The following HGSNAT variants were observed in gnomAD, a reference collection of about 807,000 sequenced individuals.
HGSNAT encodes heparan-alpha-glucosaminide N-acetyltransferase.
In HGSNAT, 59 loss-of-function variants were observed where a neutral mutation model predicts 85.2. That is an observed-to-expected ratio of 0.69 (90% CI 0.56 to 0.86). The LOEUF (loss-of-function observed/expected upper bound fraction) is 0.86, where lower values mean the gene tolerates loss of function less well. HGSNAT is among the 40% of genes least tolerant of loss of function. The pLI is 0.00. For missense variants in HGSNAT, 756 were observed against 777.1 expected, an observed-to-expected ratio of 0.97 and a Z score of 0.32; for synonymous variants, 321 against 304.5, an observed-to-expected ratio of 1.05 and a Z score of -0.56.
intron 5 of HGSNAT, among the ~76,000 whole-genome samples, chr8:43,163,351 C>G (rs1460283373): frequency 6.6e-6 from 1 of 152,092 alleles, no homozygotes; most frequent in Non-Finnish European, 1.5e-5. Context: ...TCCTTGCCCC[C>G]TCGCTTTCCA....
intron 10 of HGSNAT, chr8:43,181,875 A>C: frequency 2.1e-6 from 1 of 469,930 alleles, no homozygotes. Flanking sequence ...TTTGGTTCTT[A>C]TCCCAGTCTC....
intron 2 of HGSNAT, among the ~76,000 whole-genome samples, chr8:43,149,343 C>G (rs1430274293): frequency 6.6e-6 from 1 of 151,996 alleles, no homozygotes; most frequent in East Asian, 1.9e-4. Context: ...ACTCTTTTAA[C>G]TAGAGACTGA....
At chr8:43,147,605 T>C (rs917159069) in intron 2 of HGSNAT, among the ~76,000 whole-genome samples, 1 of 152,212 alleles carries the variant, frequency 6.6e-6, no homozygotes, top group African/African-American at 2.4e-5. Flanking sequence ...TGCAGCAACA[T>C]GGATGCAGTT....
intron 14 of HGSNAT, chr8:43,196,412 C>G: frequency 7.8e-7 from 1 of 1,274,316 alleles, no homozygotes; most frequent in Non-Finnish European, 1.0e-6. Flanking sequence ...TCCACCCTGT[C>G]CCGGTCCCTC....
At chr8:43,173,972 T>C in intron 9 of HGSNAT, 1 of 353,098 alleles carries the variant, frequency 2.8e-6, no homozygotes, top group Non-Finnish European at 5.2e-6. Context: ...TCCTAGCACT[T>C]TGGGAGGCTG....
intron 9 of HGSNAT, among the ~76,000 whole-genome samples, chr8:43,174,654 T>C (rs1235987847): frequency 6.6e-6 from 1 of 152,242 alleles, no homozygotes; most frequent in Non-Finnish European, 1.5e-5. Context: ...GTACATAGTT[T>C]ATATAGTATG....
At chr8:43,172,285 G>T in intron 7 of HGSNAT, 25 bp from the exon 8 acceptor site, 4 of 1,554,174 alleles carry the variant, frequency 2.6e-6, no homozygotes, top group Non-Finnish European at 3.6e-6. Flanking sequence ...ACCCTGAAAG[G>T]CTTCTCTTTG....
In HGSNAT at chr8:43,140,488, G is replaced by C. The variant is rs1463931344; in HGVS notation, c.-9G>C. On this transcript the variant is annotated 5_prime_UTR_variant, in exon 1 of 18. Coordinates refer to ENST00000379644, the MANE Select transcript of HGSNAT (RefSeq NM_152419.3). ...CGGGCAGGCAAGGGCGGCCGAGCGGGCGGCGGGCATGAGCGGGGCGGGCAG... is the reference window on the plus strand; with the variant it reads ...CGGGCAGGCAAGGGCGGCCGAGCGGCCGGCGGGCATGAGCGGGGCGGGCAG... 2.0e-6 allele frequency: 2 copies of C among 1,005,174 alleles called. No homozygotes were observed. The highest frequency in any genetic ancestry group is 2.4e-6 in the Non-Finnish European group (2 of 843,168). The allele number at this position is 1,005,174 out of a possible 1,614,324, so 62.3% of individuals were successfully genotyped here. A position where few individuals can be genotyped will look rare whatever the true frequency, so the allele number is the denominator to read the frequency against.
At chr8:43,174,225 A>T (rs1319245797) in intron 9 of HGSNAT, 10 of 152,218 alleles carry the variant, frequency 6.6e-5, no homozygotes, top group East Asian at 5.8e-4. Context: ...TCAAAAAAAA[A>T]AAAATAAAAA....
In HGSNAT at chr8:43,192,267, A is replaced by C. The variant is rs1804561930; in HGVS notation, c.1251-37A>C. On this transcript the variant is annotated intron_variant, in intron 12 of 17. Coordinates refer to ENST00000379644, the MANE Select transcript of HGSNAT (RefSeq NM_152419.3). ...TCTTGTCCCTCTGTTCGCCCTTATG[A>C]GGTCTTGTCATTTACATATGCTTTT... is the stretch of plus-strand genomic sequence containing the variant. 8.8e-6 allele frequency: 14 copies of C among 1,583,656 alleles called. No homozygotes were observed. The East Asian group carries it at 3.0e-4, about 33-fold the overall frequency.
At chr8:43,173,075 C>T (rs1803684343) in intron 8 of HGSNAT, among the ~76,000 whole-genome samples, 2 of 152,180 alleles carry the variant, frequency 1.3e-5, no homozygotes, top group Admixed American at 1.3e-4. Flanking sequence ...GCCTCGACCT[C>T]CTGGGCTCAA....
intron 9 of HGSNAT, among the ~76,000 whole-genome samples, chr8:43,177,557 CAAAAA>C (rs11291112): frequency 2.5e-5 from 2 of 80,478 alleles, no homozygotes; most frequent in African/African-American, 4.8e-5. Context: ...GACTCCGTCT[CAAAAA>C]AAAAAAAAAA....
In HGSNAT at chr8:43,196,984, A is replaced by G; in HGVS notation, c.1501A>G (p.Lys501Glu). Residue 501 changes from lysine to glutamate, a missense_variant, in exon 15 of 18, where the codon AAA becomes GAA. Physicochemically the swap from Lys to Glu is moderately conservative, Grantham distance 56. Coordinates refer to ENST00000379644, the MANE Select transcript of HGSNAT (RefSeq NM_152419.3). ...ACTATTGTATTACAAGGCTCGGACC[A>G]AAGACATCCTGATTCGATTCACTGC... ...KILLYYKART[K>E]DILIRFTAWC... 1 of 1,612,642 alleles carries G rather than the reference A, an allele frequency of 6.2e-7. No individual in the cohort carries two copies. Among genetic ancestry groups the G allele is most frequent in the Non-Finnish European group, 8.5e-7 (1 of 1,178,674 alleles).
In HGSNAT at chr8:43,187,425, T is replaced by G. The variant is rs189053239; in HGVS notation, c.1129-4049T>G. On this transcript the variant is annotated intron_variant, in intron 11 of 17. Transcript: ENST00000379644. Reference sequence around the variant, plus strand: ...CCTTCTTTGTCTCTTTTGATCTTTGTTGGTTTAAAGTCTGTTTAATCAGAG... The same window carrying G: ...CCTTCTTTGTCTCTTTTGATCTTTGGTGGTTTAAAGTCTGTTTAATCAGAG... Among the ~76,000 whole-genome samples the G allele has an allele frequency of 2.8e-3, 426 of 152,346 alleles. 9 individuals are homozygous for G. Among genetic ancestry groups the G allele is most frequent in the Admixed American group, 0.026 (392 of 15,302 alleles).
rs2130829099 is a variant in HGSNAT, at chr8:43,201,145, C to T, written c.*1576C>T. ...TCACTGCTGCATCACTGAGTCTGGA[C>T]CCTTGTTATCATTTTCAAACTGGCC... On this transcript the variant is annotated 3_prime_UTR_variant, in exon 18 of 18. Coordinates refer to ENST00000379644, the MANE Select transcript of HGSNAT (RefSeq NM_152419.3). This position sits in a 1 kb window ranked among gnomAD's most constrained non-coding sequence, Gnocchi z 4.4. The T allele has an allele frequency of 6.6e-6, 1 of 152,480 alleles. No homozygotes were observed. Among genetic ancestry groups the T allele is most frequent in the Admixed American group, 6.5e-5 (1 of 15,292 alleles). The allele number at this position is 152,480 out of a possible 1,614,324, so 9.4% of individuals were successfully genotyped here. A position where few individuals can be genotyped will look rare whatever the true frequency, so the allele number is the denominator to read the frequency against.
intron 5 of HGSNAT, among the ~76,000 whole-genome samples, chr8:43,167,728 T>C (rs1487816994): frequency 1.3e-5 from 2 of 152,144 alleles, no homozygotes; most frequent in Non-Finnish European, 2.9e-5. Flanking sequence ...GTGTAACTGT[T>C]CATGACCAAA....
chr8:43,179,457 T>C (rs1586735227), intron 10 of HGSNAT, among the ~76,000 whole-genome samples: 1 of 85,316 alleles, frequency 1.2e-5, no homozygotes, highest in African/African-American at 5.1e-5. Flanking sequence ...GAGGCGCCCC[T>C]CACCTCCCGG....
intron 14 of HGSNAT, chr8:43,194,069 A>T (rs1483254899): frequency 7.6e-7 from 1 of 1,317,488 alleles, no homozygotes; most frequent in Non-Finnish European, 9.7e-7. Flanking sequence ...ATTCTTACTT[A>T]TATGGCTTAT....
rs779136320 is a variant in HGSNAT, at chr8:43,161,528, G to A, written c.563+21G>A. On this transcript the variant is annotated intron_variant, in intron 5 of 17. Coordinates refer to ENST00000379644, the MANE Select transcript of HGSNAT (RefSeq NM_152419.3). ...TTGAGGTAAGATATTTGGGGAGGAC[G>A]CCACTGGAAAGGCAGAGTATAGAAA... is the stretch of plus-strand genomic sequence containing the variant. 3.0e-5 allele frequency: 47 copies of A among 1,579,394 alleles called. No individual in the cohort carries two copies. In the African/African-American group the frequency reaches 5.9e-4, roughly 20 times the overall value.
Sources: gnomAD v4.1 joint callset for allele counts (sites outside exome capture counted in the v4.1 genomes callset) on GRCh38, gnomAD v4.1.1 for gene constraint, Gnocchi (gnomAD v3.1) non-coding constraint, MANE v1.5 for transcripts, NCBI Gene and HGNC (gene_info 2026-07-23, HGNC 2026-07-21) for gene names.